The following NAV1 variants were observed in gnomAD, a reference collection of about 807,000 sequenced individuals.
NAV1 encodes pore membrane and/or filament interacting like protein 3.
Under a neutral mutation model 175.2 loss-of-function variants are expected in NAV1, and 18 were observed. The observed-to-expected ratio is 0.10, with a 90% confidence interval of 0.07 to 0.15. NAV1 has a LOEUF of 0.15. Ranked by LOEUF, NAV1 falls within the 10% of genes least tolerant of loss-of-function variation. The pLI is 1.00. For synonymous variants in NAV1, 897 were observed against 978.7 expected (o/e 0.92, Z 1.56); for missense variants, 1,731 against 2,436.6 (o/e 0.71, Z 6.10).
intron 2 of NAV1, among the ~76,000 whole-genome samples, chr1:201,599,656 C>T (rs1033691411): frequency 6.5e-4 from 99 of 152,240 alleles, no homozygotes; most frequent in African/African-American, 2.4e-3. Flanking sequence ...GTCATGAGCC[C>T]CTCTTACTAG....
intron 1 of NAV1, among the ~76,000 whole-genome samples, chr1:201,559,853 A>G (rs1666145715): frequency 6.6e-6 from 1 of 152,230 alleles, no homozygotes; most frequent in Admixed American, 6.5e-5. Context: ...GTTGCCCAGC[A>G]GAACCCAGCC....
intron 3 of NAV1, among the ~76,000 whole-genome samples, chr1:201,774,899 C>A (rs1025860630): frequency 1.3e-5 from 2 of 152,168 alleles, no homozygotes; most frequent in East Asian, 3.9e-4. Flanking sequence ...AGCTGGAAAT[C>A]AGACTGGCAA....
intron 2 of NAV1, among the ~76,000 whole-genome samples, chr1:201,633,639 C>T (rs2102301316): frequency 6.6e-6 from 1 of 152,344 alleles, no homozygotes; most frequent in African/African-American, 2.4e-5. Context: ...CCCAGGATGC[C>T]ACTGGCATCC....
exon 1 of NAV1, chr1:201,649,116 A>G (rs1419883896): frequency 6.2e-7 from 1 of 1,612,704 alleles, no homozygotes; most frequent in Non-Finnish European, 8.5e-7. Flanking sequence ...CTTCCAGGCC[A>G]AGGGCAGCCC....
chr1:201,793,933 A>G (rs1677274426), intron 14 of NAV1, 58 bp downstream of exon 18: 2 of 1,438,208 alleles, frequency 1.4e-6, no homozygotes, highest in African/African-American at 1.4e-5. Flanking sequence ...TCTCCTGGAC[A>G]GAGAGGCCGA....
intron 1 of NAV1, among the ~76,000 whole-genome samples, chr1:201,690,753 C>T (rs1670895311): frequency 6.6e-6 from 1 of 150,704 alleles, no homozygotes; most frequent in Non-Finnish European, 1.5e-5. Flanking sequence ...TCCTCCGTGG[C>T]CTGTCCGTGG....
At chr1:201,571,640 T>C (rs1008739714) in intron 1 of NAV1, among the ~76,000 whole-genome samples, 24 of 152,234 alleles carry the variant, frequency 1.6e-4, no homozygotes, top group African/African-American at 5.5e-4. Flanking sequence ...CCTTCAATTA[T>C]CCACAGTCAA....
intron 28 of NAV1, among the ~76,000 whole-genome samples, chr1:201,814,418 AAAGG>A (rs1678894647): frequency 6.6e-6 from 1 of 152,112 alleles, no homozygotes; most frequent in Admixed American, 6.6e-5. Flanking sequence ...ACTTAGTGCA[AAAGG>A]AACATGTCAT....
intron 1 of NAV1, among the ~76,000 whole-genome samples, chr1:201,546,729 C>T (rs1258641174): frequency 6.6e-6 from 1 of 151,618 alleles, no homozygotes; most frequent in Non-Finnish European, 1.5e-5. Context: ...CATGGTAAAA[C>T]CCCGTCTCTA....
intron 2 of NAV1, among the ~76,000 whole-genome samples, chr1:201,613,852 G>T (rs1009328448): frequency 1.3e-5 from 2 of 151,942 alleles, no homozygotes; most frequent in African/African-American, 4.8e-5. Flanking sequence ...ACAGCGCAAG[G>T]CTCAATAATA....
At chr1:201,739,748 T>G in intron 3 of NAV1, 1 of 1,172,884 alleles carries the variant, frequency 8.5e-7, no homozygotes, top group Non-Finnish European at 1.1e-6. Context: ...CTGCTCTGGG[T>G]GTTAAAGAGC....
chr1:201,552,709 C>A (rs543328827), intron 1 of NAV1, among the ~76,000 whole-genome samples: 1 of 152,146 alleles, frequency 6.6e-6, no homozygotes, highest in Admixed American at 6.5e-5. Context: ...TTGGATGCCC[C>A]GTGGCTCGCT....
At chr1:201,614,799 A>G (rs1667955962) in intron 2 of NAV1, among the ~76,000 whole-genome samples, 1 of 152,192 alleles carries the variant, frequency 6.6e-6, no homozygotes, top group African/African-American at 2.4e-5. Context: ...TGACTCTGCC[A>G]TTTACTAGCT....
intron 15 of NAV1, among the ~76,000 whole-genome samples, chr1:201,802,898 T>G (rs1034564730): frequency 6.6e-6 from 1 of 152,164 alleles, no homozygotes; most frequent in Non-Finnish European, 1.5e-5. Flanking sequence ...CTGCTTCCAT[T>G]CCAGACTACC....
At chr1:201,630,773 A>G (rs1668460736) in intron 2 of NAV1, among the ~76,000 whole-genome samples, 1 of 152,236 alleles carries the variant, frequency 6.6e-6, no homozygotes, top group African/African-American at 2.4e-5. Context: ...GGCACCGAAA[A>G]GCCATCAGAA....
chr1:201,700,778 G>A (rs567113555), intron 1 of NAV1, among the ~76,000 whole-genome samples: 3 of 152,046 alleles, frequency 2.0e-5, no homozygotes, highest in African/African-American at 2.4e-5. Flanking sequence ...TTGGGAGGCC[G>A]AGGCGGGTGG....
intron 3 of NAV1, among the ~76,000 whole-genome samples, chr1:201,719,223 G>A (rs967733158): frequency 6.6e-6 from 1 of 151,616 alleles, no homozygotes; most frequent in African/African-American, 2.4e-5. Flanking sequence ...GAAAATGAGA[G>A]CTTGTGGGTG....
At chr1:201,556,926 C>G (rs948880830) in intron 1 of NAV1, among the ~76,000 whole-genome samples, 45 of 152,152 alleles carry the variant, frequency 3.0e-4, no homozygotes, top group Non-Finnish European at 6.0e-4. Context: ...ATATCTCAGG[C>G]AAAAGCTCAG....
At chr1:201,802,305 C>CAAAAA (rs34854602) in intron 15 of NAV1, among the ~76,000 whole-genome samples, 6 of 40,048 alleles carry the variant, frequency 1.5e-4, no homozygotes, top group South Asian at 2.1e-3. Context: ...AACACCTTCT[C>CAAAAA]AAAAAAAAAA....
Sources: allele counts gnomAD v4.1 joint callset (sites outside exome capture counted in the v4.1 genomes callset), GRCh38; gene constraint gnomAD v4.1.1; transcripts MANE v1.5; gene names NCBI Gene and HGNC (gene_info 2026-07-23, HGNC 2026-07-21).